The following SNTG1 variants were observed in gnomAD, a reference collection of about 807,000 sequenced individuals.
The protein encoded by SNTG1 is gamma-1-syntrophin.
SNTG1 carries 39 observed loss-of-function variants against 74.7 expected under a neutral mutation model. The ratio of observed to expected loss-of-function variants is 0.52; its 90% CI spans 0.40 to 0.68. SNTG1 has a LOEUF of 0.68. Among genes scored for constraint, SNTG1 ranks in the 30% least tolerant of loss-of-function variants. The pLI is 0.00. For synonymous variants in SNTG1, 254 were observed against 217.1 expected (o/e 1.17, Z -1.49); for missense variants, 685 against 609.5 (o/e 1.12, Z -1.30).
At chr8:50,175,692 A>G (rs536899365) in intron 2 of SNTG1, among the ~76,000 whole-genome samples, 8 of 152,342 alleles carry the variant, frequency 5.3e-5, no homozygotes, top group African/African-American at 1.7e-4. Flanking sequence ...TACATGAAGA[A>G]ATGGAGAAAG....
At chr8:50,422,571 A>G (rs1419676818) in intron 4 of SNTG1, among the ~76,000 whole-genome samples, 1 of 151,200 alleles carries the variant, frequency 6.6e-6, no homozygotes, top group East Asian at 2.0e-4. Flanking sequence ...TGCTCAAATC[A>G]ATCTCTCCAA....
At chr8:50,331,807 T>G (rs763012531) in intron 2 of SNTG1, among the ~76,000 whole-genome samples, 12 of 152,282 alleles carry the variant, frequency 7.9e-5, no homozygotes, top group African/African-American at 1.4e-4. Context: ...TCTCAATTTC[T>G]TTACGTCAGA....
At chr8:50,303,666 T>C (rs2089751972) in intron 2 of SNTG1, among the ~76,000 whole-genome samples, 1 of 151,998 alleles carries the variant, frequency 6.6e-6, no homozygotes, top group Admixed American at 6.6e-5. Flanking sequence ...AAAGTCTTTT[T>C]GGTCTTTTGT....
intron 2 of SNTG1, among the ~76,000 whole-genome samples, chr8:50,375,753 A>G (rs1014224987): frequency 2.6e-5 from 4 of 152,198 alleles, no homozygotes; most frequent in African/African-American, 7.2e-5. Flanking sequence ...ATTGACCCCC[A>G]TAACAAAAGA....
chr8:49,973,279 C>G (rs982802789), intron 1 of SNTG1, among the ~76,000 whole-genome samples: 13 of 151,674 alleles, frequency 8.6e-5, no homozygotes, highest in Admixed American at 1.3e-4. Context: ...AACCAAACAC[C>G]GCATGTTCTC....
chr8:50,394,496 ATAAT>A (rs1436618674), intron 3 of SNTG1, among the ~76,000 whole-genome samples: 2 of 152,218 alleles, frequency 1.3e-5, no homozygotes, highest in Non-Finnish European at 2.9e-5. Context: ...CATATTGAAT[ATAAT>A]TGAGTTGCTC....
intron 8 of SNTG1, among the ~76,000 whole-genome samples, chr8:50,498,318 G>T (rs1359172783): frequency 6.6e-6 from 1 of 151,646 alleles, no homozygotes; most frequent in East Asian, 1.9e-4. Flanking sequence ...ATTTATAGTG[G>T]TATCTCATTA....
intron 3 of SNTG1, among the ~76,000 whole-genome samples, 176 bp from the exon 4 acceptor site, chr8:50,402,034 A>G (rs112780257): frequency 1.1e-3 from 172 of 152,230 alleles, no homozygotes; most frequent in African/African-American, 3.6e-3. Flanking sequence ...ACTTGAGATC[A>G]TTCTCCTTTT....
chr8:50,769,361 G>A (rs1185179774), intron 18 of SNTG1, among the ~76,000 whole-genome samples: 1 of 151,880 alleles, frequency 6.6e-6, no homozygotes, highest in East Asian at 1.9e-4. Flanking sequence ...TTTAGTAAGT[G>A]ACCCAAGTAA....
At chr8:50,186,853 T>C (rs2131749244) in intron 2 of SNTG1, among the ~76,000 whole-genome samples, 1 of 152,274 alleles carries the variant, frequency 6.6e-6, no homozygotes, top group Admixed American at 6.5e-5. Flanking sequence ...TTCACTCTGA[T>C]GCTGGTTTCT....
intron 2 of SNTG1, among the ~76,000 whole-genome samples, chr8:50,287,238 T>G (rs927672931): frequency 3.3e-4 from 50 of 152,142 alleles, no homozygotes; most frequent in Non-Finnish European, 8.8e-5. Flanking sequence ...CAGGTTAAGC[T>G]CTATCTCTCA....
At chr8:50,028,392 G>A (rs918807120) in intron 1 of SNTG1, among the ~76,000 whole-genome samples, 1 of 151,902 alleles carries the variant, frequency 6.6e-6, no homozygotes, top group Admixed American at 6.6e-5. Flanking sequence ...ACAGGTTTTG[G>A]TTATTGAAAA....
chr8:50,033,415 C>T (rs760278604), intron 1 of SNTG1, among the ~76,000 whole-genome samples: 22 of 152,114 alleles, frequency 1.4e-4, no homozygotes, highest in African/African-American at 2.4e-4. Context: ...TGAGCCACTG[C>T]GCCCAGCCAA....
At chr8:50,473,929 G>T (rs1345961753) in intron 8 of SNTG1, among the ~76,000 whole-genome samples, 1 of 151,978 alleles carries the variant, frequency 6.6e-6, no homozygotes, top group African/African-American at 2.4e-5. Context: ...GGGAACAGAG[G>T]GTTATTGTTT....
chr8:50,542,367 G>A lies in SNTG1; in HGVS notation c.680+5559G>A, dbSNP rs556893730. ...AGATGGGGTTTCATCATGTTGGCTA[G>A]CCTGGTCTGGAACTCCTGACCTCAA... On this transcript the variant is annotated intron_variant, in intron 11 of 18. Coordinates refer to ENST00000642720, the MANE Select transcript of SNTG1 (RefSeq NM_018967.5). Among the ~76,000 whole-genome samples, 20 of 151,876 alleles carry A rather than the reference G, an allele frequency of 1.3e-4. No individual in the cohort carries two copies. In the South Asian group the frequency reaches 4.1e-3, roughly 32 times the overall value.
intron 13 of SNTG1, among the ~76,000 whole-genome samples, chr8:50,609,234 G>A (rs956258405): frequency 2.6e-5 from 4 of 151,962 alleles, no homozygotes; most frequent in African/African-American, 4.8e-5. Context: ...GGAATATTTT[G>A]TAGCTGTGAA....
At chr8:50,258,269 T>A (rs1444935055) in intron 2 of SNTG1, among the ~76,000 whole-genome samples, 1 of 152,238 alleles carries the variant, frequency 6.6e-6, no homozygotes, top group Non-Finnish European at 1.5e-5. Flanking sequence ...AATAACACTA[T>A]GAAATGTGAG....
At chr8:50,290,910 A>G (rs1174066081) in intron 2 of SNTG1, among the ~76,000 whole-genome samples, 1 of 151,948 alleles carries the variant, frequency 6.6e-6, no homozygotes, top group East Asian at 1.9e-4. Context: ...AGTGCACACT[A>G]ACACACCTGG....
chr8:50,355,788 C>A (rs557077040), intron 2 of SNTG1, among the ~76,000 whole-genome samples: 1 of 152,170 alleles, frequency 6.6e-6, no homozygotes, highest in South Asian at 2.1e-4. Context: ...GACAATAAAA[C>A]CCTCATTTTT....
Sources: gnomAD v4.1 joint callset for allele counts (sites outside exome capture counted in the v4.1 genomes callset) on GRCh38, gnomAD v4.1.1 for gene constraint, MANE v1.5 for transcripts, NCBI Gene and HGNC (gene_info 2026-07-23, HGNC 2026-07-21) for gene names.